Variants in MBD5 observed in about 807,000 individuals in gnomAD.
MBD5 encodes the protein methyl-CpG-binding domain protein 5.
In MBD5, 13 loss-of-function variants were observed where a neutral mutation model predicts 117.3. The ratio of observed to expected loss-of-function variants is 0.11; its 90% CI spans 0.07 to 0.18. The LOEUF (loss-of-function observed/expected upper bound fraction) is 0.18, where lower values mean the gene tolerates loss of function less well. Ranked by LOEUF, MBD5 falls within the 10% of genes least tolerant of loss-of-function variation. The pLI, the probability that MBD5 is intolerant of heterozygous loss-of-function variation, is 1.00. For synonymous variants in MBD5, 727 were observed against 766.4 expected (o/e 0.95, Z 0.85); for missense variants, 1,879 against 2,093.8 (o/e 0.90, Z 2.00).
At chr2:148,121,525 AC>A (rs1696768508) in intron 1 of MBD5, among the ~76,000 whole-genome samples, 1 of 152,032 alleles carries the variant, frequency 6.6e-6, no homozygotes. Flanking sequence ...GATTCAAGAA[AC>A]CATTATTCAA....
chr2:148,074,090 A>T (rs1171596453), intron 1 of MBD5, among the ~76,000 whole-genome samples: 1 of 152,142 alleles, frequency 6.6e-6, no homozygotes, highest in African/African-American at 2.4e-5. Flanking sequence ...TTTGTAAACA[A>T]TAAGTAAATC....
intron 4 of MBD5, chr2:148,447,569 G>T (rs528019761): frequency 5.9e-5 from 9 of 152,162 alleles, no homozygotes; most frequent in African/African-American, 2.2e-4. Flanking sequence ...TATTCCAGAA[G>T]TTGGAAACCC....
chr2:148,448,709 C>T (rs931282042), intron 4 of MBD5, among the ~76,000 whole-genome samples: 9 of 151,868 alleles, frequency 5.9e-5, no homozygotes, highest in Middle Eastern at 3.4e-3. Flanking sequence ...GTATTGCAAA[C>T]CCCCAAATGG....
chr2:148,135,299 T>G (rs1697145764), intron 1 of MBD5, among the ~76,000 whole-genome samples: 1 of 152,218 alleles, frequency 6.6e-6, no homozygotes, highest in Admixed American at 6.5e-5. Flanking sequence ...GAACTTTACT[T>G]GTGTTACTTC....
At chr2:148,304,855 T>G (rs7577649) in intron 3 of MBD5, among the ~76,000 whole-genome samples, 30,841 of 151,714 alleles carry the variant, frequency 0.2, 3,264 homozygotes, top group African/African-American at 0.21. Flanking sequence ...TAGGTCAGGA[T>G]ATCGAGACCA....
chr2:148,440,128 C>T (rs1457027264), intron 4 of MBD5, among the ~76,000 whole-genome samples: 1 of 152,184 alleles, frequency 6.6e-6, no homozygotes, highest in Non-Finnish European at 1.5e-5. Context: ...TATTTAATGG[C>T]AGTTCCATTT....
rs114418098 is a variant in MBD5 at position 148,479,298 on chromosome 2, A to G, written c.2519-3812A>G. On this transcript the variant is annotated intron_variant, in intron 8 of 13. Transcript: ENST00000642680. ...TTTCCAATGTCCCTTATCTCCTGGCATTGGACTAATACACTGGAGAGTTCA... is the reference window on the plus strand; with the variant it reads ...TTTCCAATGTCCCTTATCTCCTGGCGTTGGACTAATACACTGGAGAGTTCA... Among the ~76,000 whole-genome samples the G allele has an allele frequency of 1.6e-3, 251 of 152,286 alleles. 2 individuals carry two copies. The South Asian group carries it at 0.018, about 11-fold the overall frequency.
At chr2:148,066,091 G>T (rs961885584) in intron 1 of MBD5, among the ~76,000 whole-genome samples, 1 of 152,112 alleles carries the variant, frequency 6.6e-6, no homozygotes, top group African/African-American at 2.4e-5. Context: ...AAGGGAGGAG[G>T]ATCAAGACAA....
chr2:148,423,091 A>G (rs1223162680), intron 4 of MBD5, among the ~76,000 whole-genome samples: 1 of 152,164 alleles, frequency 6.6e-6, no homozygotes, highest in Non-Finnish European at 1.5e-5. Flanking sequence ...CACCACAAAG[A>G]TACTCCTCGA....
intron 1 of MBD5, among the ~76,000 whole-genome samples, chr2:148,041,809 T>G (rs776425616): frequency 1.4e-4 from 21 of 152,152 alleles, no homozygotes; most frequent in Admixed American, 5.9e-4. Flanking sequence ...AACGTAAAAA[T>G]CCTTTAATAC....
At chr2:148,101,493 G>C (rs1696215976) in intron 1 of MBD5, among the ~76,000 whole-genome samples, 1 of 151,992 alleles carries the variant, frequency 6.6e-6, no homozygotes, top group Non-Finnish European at 1.5e-5. Flanking sequence ...GGTTCCAATG[G>C]AAATCAAAAA....
chr2:148,446,101 T>C (rs1028970321), intron 4 of MBD5, among the ~76,000 whole-genome samples: 2 of 151,052 alleles, frequency 1.3e-5, no homozygotes, highest in African/African-American at 2.5e-5. Flanking sequence ...ACTCTGATGG[T>C]AGTTTCTTTT....
chr2:148,441,574 A>C (rs550374429), intron 4 of MBD5, among the ~76,000 whole-genome samples: 13 of 152,282 alleles, frequency 8.5e-5, no homozygotes, highest in East Asian at 7.7e-4. Flanking sequence ...ATACATGTGC[A>C]TGTGTCTTTA....
At chr2:148,087,264 A>G (rs1251474579) in intron 1 of MBD5, among the ~76,000 whole-genome samples, 1 of 152,236 alleles carries the variant, frequency 6.6e-6, no homozygotes, top group Non-Finnish European at 1.5e-5. Flanking sequence ...CTGGAGGCCA[A>G]CCAACTCAGG....
intron 4 of MBD5, among the ~76,000 whole-genome samples, chr2:148,446,731 C>T (rs779366997): frequency 3.3e-5 from 5 of 151,468 alleles, no homozygotes; most frequent in African/African-American, 4.9e-5. Context: ...CCAATGGTGG[C>T]CATGGAGGTA....
At chr2:148,429,094 G>T (rs1252138914) in intron 4 of MBD5, among the ~76,000 whole-genome samples, 1 of 151,846 alleles carries the variant, frequency 6.6e-6, no homozygotes, top group African/African-American at 2.4e-5. Context: ...GCAATCTATT[G>T]ATCTCACAAA....
At chr2:148,432,620 G>A (rs1389519728) in intron 4 of MBD5, among the ~76,000 whole-genome samples, 1 of 151,966 alleles carries the variant, frequency 6.6e-6, no homozygotes, top group Non-Finnish European at 1.5e-5. Context: ...TTATTGAATG[G>A]GGAATTCTTT....
chr2:148,509,264 G>T (rs532500105), intron 12 of MBD5, among the ~76,000 whole-genome samples: 3 of 152,166 alleles, frequency 2.0e-5, no homozygotes, highest in Non-Finnish European at 4.4e-5. Context: ...AGTCAGGATG[G>T]GCAAAGTGTA....
At chr2:148,224,194 C>T (rs1000991259) in intron 2 of MBD5, among the ~76,000 whole-genome samples, 2 of 152,128 alleles carry the variant, frequency 1.3e-5, no homozygotes, top group African/African-American at 4.8e-5. Context: ...TATTCTGCAG[C>T]CATTGGATGA....
Sources: gnomAD v4.1 joint callset for allele counts (sites outside exome capture counted in the v4.1 genomes callset) on GRCh38, gnomAD v4.1.1 for gene constraint, MANE v1.5 for transcripts, NCBI Gene and HGNC (gene_info 2026-07-23, HGNC 2026-07-21) for gene names.